RNF40: variants seen among roughly 807,000 people sequenced by gnomAD.
RNF40 encodes the protein ring finger protein 40, also known as E3 ubiquitin-protein ligase BRE1B.
RNF40 carries 39 observed loss-of-function variants against 123.3 expected under a neutral mutation model. That is an observed-to-expected ratio of 0.32 (90% CI 0.24 to 0.41). The LOEUF (loss-of-function observed/expected upper bound fraction) is 0.41. Among genes scored for constraint, RNF40 ranks in the 10% least tolerant of loss-of-function variants. RNF40 has a pLI of 1.00. For missense variants in RNF40, 1,003 were observed against 1,319.9 expected, an observed-to-expected ratio of 0.76 and a Z score of 3.72; for synonymous variants, 538 against 526.0, an observed-to-expected ratio of 1.02 and a Z score of -0.31.
In RNF40 at chr16:30,768,439, G is replaced by T. The variant is rs371990879; in HGVS notation, c.1888G>T (p.Ala630Ser). The change falls in exon 13 of 20, where the codon GCT (alanine) becomes TCT (serine). Residue 630 changes from alanine to serine, a missense_variant. Physicochemically the swap from Ala to Ser is moderately conservative, Grantham distance 99. Transcript: ENST00000324685. This position sits in a 1 kb window ranked among gnomAD's most constrained non-coding sequence, Gnocchi z 4.1. ...PSLGPPPVAS[A>S]LSRADREKAK... ...CCTAGGACCTCCACCTGTAGCCTCC[G>T]CTCTCTCAAGGGCTGATCGGGAGAA... is the stretch of plus-strand genomic sequence containing the variant. 6.2e-7 allele frequency: 1 copy of T among 1,613,322 alleles called. No individual in the cohort carries two copies. The highest frequency in any genetic ancestry group is 2.2e-5 in the East Asian group (1 of 44,860).
At chr16:30,761,933 G>T, upstream of RNF40, 1 of 617,984 alleles carries the variant, frequency 1.6e-6, no homozygotes, top group Non-Finnish European at 2.7e-6. Context: ...GGCGACGGTT[G>T]CCAAGGGGGC....
rs750355246 is a variant in RNF40, at chr16:30,769,361, A to ATC, written c.2424_2425insCT (p.Glu809LeufsTer19). 3.1e-6 allele frequency: 5 copies of ATC among 1,614,208 alleles called. No homozygotes were observed. Among genetic ancestry groups the ATC allele is most frequent in the African/African-American group, 1.3e-5 (1 of 75,046 alleles). ...CACAAGCTGCTGCGGGAGGAGAAGG[A>ATC]TGAGTTGGGCGAGCAGGTCCTTGGC... On this transcript the variant is annotated frameshift_variant, in exon 16 of 20. Transcript: ENST00000324685. LOFTEE classifies it high-confidence loss of function.
At position 30,768,808 on chromosome 16, in the gene RNF40, CAAG is replaced by C; in HGVS notation, c.2098-28_2098-26del. On this transcript the variant is annotated intron_variant, in intron 14 of 19. Transcript: ENST00000324685. This position sits in a 1 kb window ranked among gnomAD's most constrained non-coding sequence, Gnocchi z 4.1. ...GTCCTAGCTCAGCAGGAAGCAGTGT[CAAG>C]AGAGTTTCTTCTTCCCTGTGCTATA... 1.2e-6 allele frequency: 2 copies of C among 1,614,168 alleles called. No homozygotes were observed. Among genetic ancestry groups the C allele is most frequent in the Non-Finnish European group, 1.7e-6 (2 of 1,180,028 alleles).
chr16:30,762,790 T>TTAGCAAGGTCCCCAAGTTTAGC, intron 2 of RNF40, 113 bp downstream of exon 2: 1 of 1,344,572 alleles, frequency 7.4e-7, no homozygotes, highest in South Asian at 1.3e-5. Context: ...AGGTCCGCGT[T>TTAGCAAGGTCCCCAAGTTTAGC]ACAGGACCTT....
intron 8 of RNF40, among the ~76,000 whole-genome samples, 189 bp from the exon 9 acceptor site, chr16:30,765,974 C>T (rs2054023423): frequency 6.6e-6 from 1 of 152,204 alleles, no homozygotes; most frequent in Non-Finnish European, 1.5e-5. Context: ...TAGTTCCCAG[C>T]ACCGACCATG....
chr16:30,766,375 C>T lies in RNF40; in HGVS notation c.1114-4C>T. On this transcript the variant is annotated splice_region_variant and splice_polypyrimidine_tract_variant and intron_variant, in intron 9 of 19. Coordinates refer to ENST00000324685, the MANE Select transcript of RNF40 (RefSeq NM_014771.4). The surrounding 1 kb of genome is among the most constrained non-coding windows in gnomAD (Gnocchi z 5.4). ...CTGATCCCATTTGGGCATCCCTGCC[C>T]CAGGTGGCCCTGCGGAGCCTTCCTG... 1.2e-6 allele frequency: 2 copies of T among 1,612,404 alleles called. No individual in the cohort carries two copies. Among genetic ancestry groups the T allele is most frequent in the Non-Finnish European group, 1.7e-6 (2 of 1,178,714 alleles).
chr16:30,769,111 C>T, intron 15 of RNF40, 75 bp from the exon 16 acceptor site: 2 of 1,593,638 alleles, frequency 1.3e-6, no homozygotes, highest in Non-Finnish European at 1.7e-6. Context: ...TGCTTCGCTG[C>T]GTTTTCCCAT....
At chr16:30,764,901 C>T in intron 5 of RNF40, 37 bp from the exon 6 acceptor site, 1 of 1,598,992 alleles carries the variant, frequency 6.3e-7, no homozygotes, top group Non-Finnish European at 8.5e-7. Context: ...GCCCCATTGC[C>T]CTGAGCTGGG....
intron 6 of RNF40, 49 bp downstream of exon 6, chr16:30,765,108 G>A (rs777084799): frequency 6.2e-7 from 1 of 1,611,248 alleles, no homozygotes; most frequent in Non-Finnish European, 8.5e-7. Flanking sequence ...GGCAGGATTT[G>A]GGTTAGATGG....
At position 30,763,243 on chromosome 16, in the gene RNF40, A is replaced by G; in HGVS notation, c.258A>G (p.Thr86=). 1 of 1,614,172 alleles carries G rather than the reference A, an allele frequency of 6.2e-7. No individual in the cohort carries two copies. The change falls in exon 3 of 20, where the codon ACA becomes ACG. Residue 86 remains threonine (T), a synonymous_variant. Coordinates refer to ENST00000324685, the MANE Select transcript of RNF40 (RefSeq NM_014771.4). The part of the protein sequence containing the change: ...RIEKLEKRQA[T]DDATLLIVNR... ...AGAAGTTGGAGAAGCGGCAGGCCAC[A>G]GATGATGCCACACTCCTCATCGTCA...
rs1025753277 is a variant in RNF40 at position 30,766,064 on chromosome 16, T to C, written c.994-99T>C. 3 of 1,549,344 alleles carry C rather than the reference T, an allele frequency of 1.9e-6. No individual in the cohort carries two copies. The highest frequency in any genetic ancestry group is 2.3e-5 in the South Asian group (2 of 87,010). On this transcript the variant is annotated intron_variant, in intron 8 of 19. Transcript: ENST00000324685. The surrounding 1 kb of genome is among the most constrained non-coding windows in gnomAD (Gnocchi z 5.4). ...GGGGTGTCAGAATCGATCATTGCCC[T>C]GCACGGGGTGCTTGGGGTGGAGTGT...
chr16:30,766,010 C>T lies in RNF40; in HGVS notation c.994-153C>T, dbSNP rs2054024128. ...CAGTATTGAATTTTCTCCCATTTTT[C>T]TGGGAGCCCTTAGGAAAGTACTTGG... On this transcript the variant is annotated intron_variant, in intron 8 of 19. Coordinates refer to ENST00000324685, the MANE Select transcript of RNF40 (RefSeq NM_014771.4). The surrounding 1 kb of genome is among the most constrained non-coding windows in gnomAD (Gnocchi z 5.4). Among the ~76,000 whole-genome samples the T allele has an allele frequency of 1.3e-5, 2 of 152,184 alleles. No homozygotes were observed. The highest frequency in any genetic ancestry group is 4.1e-4 in the South Asian group (2 of 4,834).
At chr16:30,773,680 C>A in intron 19 of RNF40, 1 of 380,114 alleles carries the variant, frequency 2.6e-6, no homozygotes, top group Non-Finnish European at 4.7e-6. Flanking sequence ...CCTGTGGGTC[C>A]TTGTCCTTTT....
Position 30,774,792 on chromosome 16 carries a change from C to T in RNF40, c.*678C>T. ...CAACATCATCAGTTTCTATTCTAAT[C>T]AGGCCCCTTCCCAATCTCCATTTCT... On this transcript the variant is annotated 3_prime_UTR_variant, in exon 20 of 20. Transcript: ENST00000324685. 2.8e-6 allele frequency: 1 copy of T among 362,676 alleles called. No homozygotes were observed. The highest frequency in any genetic ancestry group is 5.5e-6 in the Non-Finnish European group (1 of 183,372). 22.5% of individuals were successfully genotyped at this position (362,676 alleles called of 1,614,324 possible).
chr16:30,771,612 G>T (rs531167401), intron 17 of RNF40, among the ~76,000 whole-genome samples: 1 of 150,998 alleles, frequency 6.6e-6, no homozygotes, highest in South Asian at 2.1e-4. Context: ...GTAAGACTCC[G>T]TCTCAAAAAA....
At chr16:30,762,850 AC>A (rs749296784) in intron 2 of RNF40, 173 bp downstream of exon 2, 2 of 899,998 alleles carry the variant, frequency 2.2e-6, no homozygotes, top group Non-Finnish European at 1.7e-6. Context: ...TCTTCCCTTT[AC>A]AGATAGGAAA....
At chr16:30,761,880 C>G, upstream of RNF40, 3 of 897,162 alleles carry the variant, frequency 3.3e-6, no homozygotes, top group Non-Finnish European at 4.9e-6. Flanking sequence ...CGCGGAGAGG[C>G]GCGGCGGGGC....
rs538318343 is a variant in RNF40, at chr16:30,773,933, C to A, written c.2830-5C>A. The stretch of plus-strand genomic sequence containing the variant: ...TTCCCAAGCTGATGCCTTTGCCTGG[C>A]CCAGGCGCGGTTGACCTGCCCCTGC... On this transcript the variant is annotated splice_region_variant and splice_polypyrimidine_tract_variant and intron_variant, in intron 19 of 19. Transcript: ENST00000324685. 3.1e-6 allele frequency: 5 copies of A among 1,609,270 alleles called. No homozygotes were observed. The highest frequency in any genetic ancestry group is 4.2e-6 in the Non-Finnish European group (5 of 1,176,688).
Position 30,773,942 on chromosome 16 carries a change from G to A in RNF40, c.2834G>A (p.Arg945Gln), listed in dbSNP as rs1596766147. The change falls in exon 20 of 20, where the codon CGG becomes CAG. Residue 945 changes from arginine (R) to glutamine (Q), a missense_variant. Around this residue, in one of 11 missense-constraint regions of RNF40, gnomAD observed 76 missense variants for 134.1 expected, o/e 0.57. Transcript: ENST00000324685. ...TGATGCCTTTGCCTGGCCCAGGCGC[G>A]GTTGACCTGCCCCTGCTGTAACACC... ...LQEEIKEYKA[R>Q]LTCPCCNTRK... is the part of the protein sequence containing the mutation. 2 of 1,611,620 alleles carry A rather than the reference G, an allele frequency of 1.2e-6. No homozygotes were observed. Among genetic ancestry groups the A allele is most frequent in the East Asian group, 2.2e-5 (1 of 44,828 alleles).
Sources: gnomAD v4.1 joint callset for allele counts (sites outside exome capture counted in the v4.1 genomes callset) on GRCh38, gnomAD v4.1.1 for gene constraint, gnomAD v4.1.1 regional missense constraint, Gnocchi (gnomAD v3.1) non-coding constraint, MANE v1.5 for transcripts, NCBI Gene and HGNC (gene_info 2026-07-23, HGNC 2026-07-21) for gene names.